SLC11A2: variants seen among roughly 807,000 people sequenced by gnomAD.
The protein encoded by SLC11A2 is solute carrier family 11 member 2, also known as natural resistance-associated macrophage protein 2.
In SLC11A2, 38 loss-of-function variants were observed where a neutral mutation model predicts 68.0. The observed-to-expected ratio is 0.56, with a 90% CI of 0.43 to 0.73. SLC11A2 has a LOEUF of 0.73. Among genes scored for constraint, SLC11A2 ranks in the 30% least tolerant of loss-of-function variants. The pLI, the probability that SLC11A2 is intolerant of heterozygous loss-of-function variation, is 0.00. For missense variants in SLC11A2, 517 were observed against 690.5 expected, an observed-to-expected ratio of 0.75 and a Z score of 2.82; for synonymous variants, 242 against 250.6, an observed-to-expected ratio of 0.97 and a Z score of 0.32.
Position 50,999,416 on chromosome 12 carries a change from C to A in SLC11A2, c.537-1G>T. The A allele has an allele frequency of 6.2e-7, 1 of 1,611,722 alleles. No individual in the cohort carries two copies. Among genetic ancestry groups the A allele is most frequent in the Admixed American group, 1.7e-5 (1 of 59,998 alleles). On this transcript the variant is annotated splice_acceptor_variant, in intron 6 of 15. Transcript: ENST00000262052. LOFTEE classifies it high-confidence loss of function. ...GAGAACGCCACCCCACAGAGGAATT[C>A]TAGGTCAGAGATGAGATATGGAAGT...
chr12:51,020,788 T>C (rs1453897561), intron 1 of SLC11A2, among the ~76,000 whole-genome samples: 1 of 152,206 alleles, frequency 6.6e-6, no homozygotes, highest in African/African-American at 2.4e-5. Context: ...AGAACAATTA[T>C]TTACATAGCA....
intron 9 of SLC11A2, 89 bp from the exon 10 acceptor site, chr12:50,995,876 T>C: frequency 1.6e-6 from 2 of 1,282,818 alleles, no homozygotes; most frequent in South Asian, 2.4e-5. Flanking sequence ...GCTGAGAGAT[T>C]TAGGGGACAA....
At chr12:50,963,423 G>C in the SLC11A2 span, among the ~76,000 whole-genome samples, 1 of 147,912 alleles carries the variant, frequency 6.8e-6, no homozygotes, top group Non-Finnish European at 1.5e-5. Flanking sequence ...GTAGAAGCAA[G>C]GAAAATCCAG....
rs1941083494 is a variant in SLC11A2 at position 50,990,912 on chromosome 12, G to T, written c.1458C>A (p.Ile486=). The part of the protein sequence containing the change: ...WRIAGGILVL[I]ICSINMYFVV... ...CAAAGTACATATTGATGGAACAGAT[G>T]ATAAGGACCAAGATTCCTCCTGCAA... The change falls in exon 15 of 16, where the codon ATC becomes ATA. Residue 486 remains isoleucine, a synonymous_variant. Coordinates refer to ENST00000262052, the MANE Select transcript of SLC11A2 (RefSeq NM_000617.3). The T allele has an allele frequency of 6.2e-7, 1 of 1,613,912 alleles. No homozygotes were observed. Among genetic ancestry groups the T allele is most frequent in the Non-Finnish European group, 8.5e-7 (1 of 1,179,948 alleles).
At chr12:50,961,109 C>T in the SLC11A2 span, 8 of 1,613,216 alleles carry the variant, frequency 5.0e-6, no homozygotes, top group East Asian at 4.5e-5. Flanking sequence ...CTAGGTAACC[C>T]GCTTAATTTG....
intron 11 of SLC11A2, among the ~76,000 whole-genome samples, chr12:50,993,759 C>A (rs372955672): frequency 2.0e-3 from 303 of 151,582 alleles, no homozygotes; most frequent in African/African-American, 6.9e-3. Context: ...ACCCGGAAGG[C>A]AGAGATTGCA....
At chr12:51,008,369 C>A in intron 3 of SLC11A2, 107 bp downstream of exon 3, 1 of 831,426 alleles carries the variant, frequency 1.2e-6, no homozygotes, top group Non-Finnish European at 2.1e-6. Flanking sequence ...CAGAGATTGC[C>A]AGCCAAAATT....
Position 50,986,397 on chromosome 12 carries a change from T to C in SLC11A2, c.*1928A>G. 1 of 1,280,912 alleles carries C rather than the reference T, an allele frequency of 7.8e-7. No homozygotes were observed. The highest frequency in any genetic ancestry group is 1.0e-6 in the Non-Finnish European group (1 of 983,346). The allele number at this position is 1,280,912 out of a possible 1,614,324, so 79.3% of individuals were successfully genotyped here. A position where few individuals can be genotyped will look rare whatever the true frequency, so the allele number is the denominator to read the frequency against. On this transcript the variant is annotated 3_prime_UTR_variant, in exon 16 of 16. Coordinates refer to ENST00000262052, the MANE Select transcript of SLC11A2 (RefSeq NM_000617.3). The stretch of plus-strand genomic sequence containing the variant: ...ACACTGTGAAGTACACACATAATAT[T>C]ATAAAATGCCATTTAATTGGAAGGA...
rs1398403409 is a variant in SLC11A2, at chr12:50,994,537, T to C, written c.1077+7A>G. On this transcript the variant is annotated splice_region_variant and intron_variant, in intron 11 of 15. Transcript: ENST00000262052. Reference sequence around the variant, plus strand: ...GGAACAAAGATCACAAATCCAAACATGCTTACCCCTTTGTAGATGTCCACA... The same window carrying C: ...GGAACAAAGATCACAAATCCAAACACGCTTACCCCTTTGTAGATGTCCACA... 8 of 1,577,474 alleles carry C rather than the reference T, an allele frequency of 5.1e-6. No homozygotes were observed. Among genetic ancestry groups the C allele is most frequent in the African/African-American group, 2.7e-5 (2 of 74,212 alleles).
Position 51,008,409 on chromosome 12 carries a change from C to T in SLC11A2, c.183+67G>A, listed in dbSNP as rs1942936735. ...CTGAGGCTGCTGAACTTGAGCCATC[C>T]AGCAGATCTTTCACTCACAGGTTTT... On this transcript the variant is annotated intron_variant, in intron 3 of 15. Transcript: ENST00000262052. 5 of 1,391,564 alleles carry T rather than the reference C, an allele frequency of 3.6e-6. No homozygotes were observed. In the African/African-American group the frequency reaches 5.7e-5, roughly 16 times the overall value. 86.2% of individuals were successfully genotyped at this position (1,391,564 alleles called of 1,614,324 possible).
chr12:51,003,995 TTTTG>T (rs2136274681), intron 5 of SLC11A2, among the ~76,000 whole-genome samples: 1 of 152,062 alleles, frequency 6.6e-6, no homozygotes, highest in East Asian at 1.9e-4. Flanking sequence ...ATTACCAAGG[TTTTG>T]TTTGTTTTTT....
chr12:50,986,216 T>A lies in SLC11A2; in HGVS notation c.*2109A>T. The A allele has an allele frequency of 3.1e-6, 4 of 1,283,126 alleles. No individual in the cohort carries two copies. Among genetic ancestry groups the A allele is most frequent in the Non-Finnish European group, 3.0e-6 (3 of 984,914 alleles). The allele number at this position is 1,283,126 out of a possible 1,614,324, so 79.5% of individuals were successfully genotyped here. On this transcript the variant is annotated 3_prime_UTR_variant, in exon 16 of 16. Transcript: ENST00000262052. ...AATTTATATAAAGTACAATTGTATA[T>A]CCTTAAACATTCCACATAAACACAC...
the SLC11A2 span, among the ~76,000 whole-genome samples, chr12:50,964,587 G>A: frequency 3.3e-5 from 5 of 152,212 alleles, no homozygotes; most frequent in Non-Finnish European, 7.3e-5. Flanking sequence ...ACATACGGCT[G>A]GAGAGTTCAC....
chr12:50,969,999 A>T, the SLC11A2 span, among the ~76,000 whole-genome samples: 1 of 151,992 alleles, frequency 6.6e-6, no homozygotes, highest in South Asian at 2.1e-4. Context: ...AGCCATACAT[A>T]TCATCCGCCT....
intron 1 of SLC11A2, among the ~76,000 whole-genome samples, chr12:51,022,847 GAC>G (rs1944139307): frequency 6.6e-6 from 1 of 152,054 alleles, no homozygotes; most frequent in Non-Finnish European, 1.5e-5. Flanking sequence ...ACACAAACCT[GAC>G]ACAAAATGAC....
chr12:51,016,500 G>A (rs1237761537), intron 1 of SLC11A2, among the ~76,000 whole-genome samples: 2 of 151,936 alleles, frequency 1.3e-5, no homozygotes, highest in Non-Finnish European at 2.9e-5. Flanking sequence ...TGGCCAACAT[G>A]GTGAGACCCC....
chr12:50,962,676 A>G, the SLC11A2 span, among the ~76,000 whole-genome samples: 27,844 of 152,132 alleles, frequency 0.18, 2,912 homozygotes, highest in East Asian at 0.5. Flanking sequence ...TAGCCTGGGC[A>G]TCAGAGCAAG....
chr12:51,003,582 A>AAT (rs57716840), intron 5 of SLC11A2, among the ~76,000 whole-genome samples: 1,672 of 148,306 alleles, frequency 0.011, 15 homozygotes, highest in African/African-American at 0.022. Flanking sequence ...CAAACAAACA[A>AAT]ATATATATAT....
At chr12:50,981,696 A>G (rs1409234274), downstream of SLC11A2, 3 of 1,448,220 alleles carry the variant, frequency 2.1e-6, no homozygotes, top group Non-Finnish European at 2.8e-6. Context: ...TTAGAAAAAC[A>G]TGTTCTTATA....
Sources: gnomAD v4.1 joint callset for allele counts (sites outside exome capture counted in the v4.1 genomes callset) on GRCh38, gnomAD v4.1.1 for gene constraint, MANE v1.5 for transcripts, NCBI Gene and HGNC (gene_info 2026-07-23, HGNC 2026-07-21) for gene names.